STK33: variants seen among roughly 807,000 people sequenced by gnomAD.
STK33 encodes the protein serine/threonine-protein kinase 33.
A neutral mutation model predicts 58.0 loss-of-function variants in STK33; 52 were observed. The ratio of observed to expected loss-of-function variants is 0.90; its 90% CI spans 0.72 to 1.13. STK33 has a LOEUF of 1.13. Ranked by LOEUF, STK33 falls within the 50% of genes most tolerant of loss-of-function variation. The probability of loss-of-function intolerance (pLI) is 0.00; values close to 1 mark genes in which losing one functional copy is unlikely to be tolerated. For synonymous variants in STK33, 215 were observed against 200.1 expected (o/e 1.07, Z -0.63); for missense variants, 630 against 604.2 (o/e 1.04, Z -0.45).
Position 8,410,765 on chromosome 11 carries a change from G to A in STK33, c.1344+2730C>T, listed in dbSNP as rs989763127. ...TGGGATTACAGGCGTGAACCACCAC[G>A]CCTGGCCTGAAAATCTTCTATTTTC... is the stretch of plus-strand genomic sequence containing the variant. On this transcript the variant is annotated intron_variant, in intron 15 of 15. Coordinates refer to ENST00000687296, the MANE Select transcript of STK33 (RefSeq NM_001352389.2). 1.7e-4 allele frequency among the ~76,000 whole-genome samples: 26 copies of A among 152,032 alleles called. 1 individual carries two copies. Among genetic ancestry groups the A allele is most frequent in the Non-Finnish European group, 2.9e-5 (2 of 67,988 alleles).
Position 8,487,817 on chromosome 11 carries a change from CA to C in STK33, c.-465-7204del, listed in dbSNP as rs370546623. ...ATCCACAAAAGCAATGAAAAAATGG[CA>C]AAAAAAATCAGAATAAACTTTTTCA... is the stretch of plus-strand genomic sequence containing the variant. On this transcript the variant is annotated intron_variant, in intron 1 of 15. Coordinates refer to ENST00000687296, the MANE Select transcript of STK33 (RefSeq NM_001352389.2). 6.3e-4 allele frequency among the ~76,000 whole-genome samples: 95 copies of C among 151,586 alleles called. 2 individuals carry two copies. The South Asian group carries it at 0.019, about 30-fold the overall frequency.
chr11:8,554,358 A>C (rs769631013), intron 1 of STK33, among the ~76,000 whole-genome samples: 1 of 150,352 alleles, frequency 6.7e-6, no homozygotes, highest in Non-Finnish European at 1.5e-5. Flanking sequence ...GGTTGAGGGT[A>C]CAGTGATCCC....
intron 15 of STK33, among the ~76,000 whole-genome samples, chr11:8,404,174 T>C (rs144635122): frequency 2.0e-5 from 3 of 152,318 alleles, no homozygotes; most frequent in East Asian, 3.9e-4. Flanking sequence ...CTTCCAAATA[T>C]ATAGACTTCT....
chr11:8,337,645 CGGGG>C, the STK33 span, among the ~76,000 whole-genome samples: 1 of 87,768 alleles, frequency 1.1e-5, no homozygotes, highest in African/African-American at 4.7e-5. Flanking sequence ...CGGCGGGGGG[CGGGG>C]GGGGGGCCCT....
chr11:8,542,947 GCAATCCAC>G (rs1955636033), intron 1 of STK33, among the ~76,000 whole-genome samples: 1 of 152,108 alleles, frequency 6.6e-6, no homozygotes, highest in Non-Finnish European at 1.5e-5. Flanking sequence ...CTGGGCTCAA[GCAATCCAC>G]ACGCCTCAGC....
chr11:8,480,147 T>C (rs1002311769), intron 2 of STK33, among the ~76,000 whole-genome samples: 3 of 152,146 alleles, frequency 2.0e-5, no homozygotes, highest in Non-Finnish European at 4.4e-5. Context: ...AGACAGTGGG[T>C]GCCGATTTCC....
At chr11:8,446,362 G>A (rs989189496) in intron 11 of STK33, among the ~76,000 whole-genome samples, 3 of 151,878 alleles carry the variant, frequency 2.0e-5, no homozygotes, top group African/African-American at 7.3e-5. Flanking sequence ...AGGGTTTTTC[G>A]TGTCCCTATC....
chr11:8,525,082 G>A (rs1331507026), intron 1 of STK33, among the ~76,000 whole-genome samples: 1 of 152,090 alleles, frequency 6.6e-6, no homozygotes. Flanking sequence ...GCAGAAAACT[G>A]TAAAGCGTTT....
At chr11:8,428,972 G>C (rs1309928618) in intron 14 of STK33, among the ~76,000 whole-genome samples, 1 of 151,818 alleles carries the variant, frequency 6.6e-6, no homozygotes. Context: ...ATATAAATTT[G>C]AACTTTTTTT....
At chr11:8,530,526 T>C (rs192610707) in intron 1 of STK33, among the ~76,000 whole-genome samples, 2 of 150,110 alleles carry the variant, frequency 1.3e-5, no homozygotes, top group Admixed American at 1.3e-4. Context: ...ATTTGGAAAT[T>C]TAGAAACACT....
At chr11:8,573,800 A>G (rs1957988897) in intron 1 of STK33, among the ~76,000 whole-genome samples, 1 of 152,256 alleles carries the variant, frequency 6.6e-6, no homozygotes, top group South Asian at 2.1e-4. Context: ...AATTATGCTG[A>G]GTGAAAAAAG....
rs528944299 is a variant in STK33 at position 8,517,706 on chromosome 11, T to C, written c.-465-37092A>G. Among the ~76,000 whole-genome samples the C allele has an allele frequency of 1.1e-3, 168 of 152,278 alleles. 1 individual carries two copies. The highest frequency in any genetic ancestry group is 4.3e-3 in the Admixed American group (66 of 15,298). On this transcript the variant is annotated intron_variant, in intron 1 of 15. Transcript: ENST00000687296. ...TACGTGACGCATGCACAAGCTTCAG[T>C]AGCCAATTTGATAAAGAGGAGGAAA...
intron 1 of STK33, among the ~76,000 whole-genome samples, chr11:8,511,723 C>G (rs542474390): frequency 6.6e-6 from 1 of 152,232 alleles, no homozygotes; most frequent in African/African-American, 2.4e-5. Flanking sequence ...TTTGCTGTGT[C>G]TATTCAAATG....
At chr11:8,418,141 T>C (rs1941392448) in intron 14 of STK33, among the ~76,000 whole-genome samples, 1 of 152,186 alleles carries the variant, frequency 6.6e-6, no homozygotes, top group East Asian at 1.9e-4. Context: ...GCAGGTTTCT[T>C]ATATAGGTAA....
At position 8,400,773 on chromosome 11, in the gene STK33, C is replaced by A. The variant is rs1043711193; in HGVS notation, c.1345-8063G>T. On this transcript the variant is annotated intron_variant, in intron 15 of 15. Coordinates refer to ENST00000687296, the MANE Select transcript of STK33 (RefSeq NM_001352389.2). ...AGCTGATAGGCAACTTCAGCAAAGT[C>A]TCAGGATACAAAATCAATGTGCAAA... Among the ~76,000 whole-genome samples, 390 of 152,304 alleles carry A rather than the reference C, an allele frequency of 2.6e-3. 1 individual carries two copies. Among genetic ancestry groups the A allele is most frequent in the African/African-American group, 8.9e-3 (371 of 41,564 alleles).
chr11:8,543,699 A>C (rs1043682109), intron 1 of STK33, among the ~76,000 whole-genome samples: 4 of 152,212 alleles, frequency 2.6e-5, no homozygotes, highest in African/African-American at 9.6e-5. Flanking sequence ...CAACAGGGTG[A>C]CTATAGTCAA....
At chr11:8,388,844 T>C (rs1307706357), downstream of STK33, among the ~76,000 whole-genome samples, 1 of 152,248 alleles carries the variant, frequency 6.6e-6, no homozygotes, top group African/African-American at 2.4e-5. Flanking sequence ...CCAGGTATCC[T>C]GCCCTACCTG....
chr11:8,450,082 T>A (rs1371818110), intron 11 of STK33, among the ~76,000 whole-genome samples: 2 of 152,186 alleles, frequency 1.3e-5, no homozygotes, highest in Non-Finnish European at 2.9e-5. Context: ...TTATAAATCA[T>A]TCTACTGTAA....
intron 1 of STK33, among the ~76,000 whole-genome samples, chr11:8,484,276 T>C (rs950807292): frequency 3.3e-5 from 5 of 152,216 alleles, no homozygotes; most frequent in African/African-American, 1.2e-4. Flanking sequence ...AGTCCTGATA[T>C]GTTTTAAGCT....
Sources: gnomAD v4.1 joint callset for allele counts (sites outside exome capture counted in the v4.1 genomes callset) on GRCh38, gnomAD v4.1.1 for gene constraint, MANE v1.5 for transcripts, NCBI Gene and HGNC (gene_info 2026-07-23, HGNC 2026-07-21) for gene names.